The following LRRTM4 variants were observed in gnomAD, a reference collection of about 807,000 sequenced individuals.
LRRTM4 encodes leucine rich repeat transmembrane neuronal 4.
Under a neutral mutation model 47.6 loss-of-function variants are expected in LRRTM4, and 25 were observed. That is an observed-to-expected ratio of 0.53 (90% CI 0.38 to 0.73). LRRTM4 has a LOEUF of 0.73. Among genes scored for constraint, LRRTM4 ranks in the 30% least tolerant of loss-of-function variants. The pLI is 0.00. For missense variants in LRRTM4, 638 were observed against 713.4 expected (o/e 0.89, Z 1.20); for synonymous variants, 311 against 269.5 (o/e 1.15, Z -1.51).
chr2:77,462,236 G>A lies in LRRTM4; in HGVS notation c.1551+56082C>T, dbSNP rs188858061. Reference sequence around the variant, plus strand: ...ATGATGTGAGCTCTGAAGTATTCACGATTTCATTTCCAGTATGTGGTGAAA... The same window carrying A: ...ATGATGTGAGCTCTGAAGTATTCACAATTTCATTTCCAGTATGTGGTGAAA... On this transcript the variant is annotated intron_variant, in intron 3 of 3. Coordinates refer to ENST00000409884, the MANE Select transcript of LRRTM4 (RefSeq NM_001134745.3). 1.2e-4 allele frequency among the ~76,000 whole-genome samples: 19 copies of A among 152,140 alleles called. No homozygotes were observed. The South Asian group carries it at 1.5e-3, about 12-fold the overall frequency.
intron 3 of LRRTM4, among the ~76,000 whole-genome samples, chr2:77,335,318 T>C (rs1230739801): frequency 6.6e-6 from 1 of 152,178 alleles, no homozygotes; most frequent in African/African-American, 2.4e-5. Flanking sequence ...TTTTATGACC[T>C]CTATTTCACC....
chr2:77,234,778 G>T (rs1386759239), intron 3 of LRRTM4, among the ~76,000 whole-genome samples: 1 of 151,972 alleles, frequency 6.6e-6, no homozygotes, highest in African/African-American at 2.4e-5. Flanking sequence ...ATTTAGATTC[G>T]GGGGTATAAG....
chr2:77,426,620 G>A (rs888553014), intron 3 of LRRTM4, among the ~76,000 whole-genome samples: 13 of 152,134 alleles, frequency 8.5e-5, no homozygotes, highest in African/African-American at 2.9e-4. Context: ...CTGTTCTTGT[G>A]AGAGTGAGTG....
intron 3 of LRRTM4, among the ~76,000 whole-genome samples, chr2:76,795,939 CGCAGGTCAGTGGGT>C (rs576264966): frequency 3.3e-5 from 5 of 151,378 alleles, no homozygotes; most frequent in East Asian, 4.0e-4. Flanking sequence ...AGACAGTGGG[CGCAGGTCAGTGGGT>C]GCGCGCACCA....
chr2:77,442,317 G>C (rs939581377), intron 3 of LRRTM4, among the ~76,000 whole-genome samples: 1 of 152,030 alleles, frequency 6.6e-6, no homozygotes, highest in Non-Finnish European at 1.5e-5. Flanking sequence ...ATTTTCTTTG[G>C]CAGTCTTTTT....
chr2:76,918,027 GC>G (rs1358294712), intron 3 of LRRTM4, among the ~76,000 whole-genome samples: 5 of 152,116 alleles, frequency 3.3e-5, no homozygotes, highest in African/African-American at 1.2e-4. Flanking sequence ...CCCTACTGGG[GC>G]AGGGAAAAGG....
At chr2:77,200,148 T>C (rs1673935212) in intron 3 of LRRTM4, among the ~76,000 whole-genome samples, 1 of 152,054 alleles carries the variant, frequency 6.6e-6, no homozygotes, top group Non-Finnish European at 1.5e-5. Flanking sequence ...CCCTATTTCT[T>C]TTATTAGGCA....
At chr2:76,920,887 T>C (rs1674411248) in intron 3 of LRRTM4, among the ~76,000 whole-genome samples, 1 of 151,876 alleles carries the variant, frequency 6.6e-6, no homozygotes, top group South Asian at 2.1e-4. Flanking sequence ...TTCTTCAATT[T>C]AAACACACTT....
intron 3 of LRRTM4, among the ~76,000 whole-genome samples, chr2:77,041,371 T>C (rs945356309): frequency 5.9e-5 from 9 of 151,632 alleles, no homozygotes; most frequent in African/African-American, 1.7e-4. Flanking sequence ...AGTGTTGCAA[T>C]AGACATGGGA....
intron 3 of LRRTM4, among the ~76,000 whole-genome samples, chr2:77,197,082 T>G (rs1178981661): frequency 6.6e-6 from 1 of 152,162 alleles, no homozygotes; most frequent in Non-Finnish European, 1.5e-5. Context: ...TATTTTAAAT[T>G]ACAACATCTT....
intron 3 of LRRTM4, among the ~76,000 whole-genome samples, chr2:77,206,703 C>T (rs191099314): frequency 1.1e-4 from 16 of 151,958 alleles, no homozygotes; most frequent in African/African-American, 2.9e-4. Flanking sequence ...AGGCTGGTCT[C>T]GAAATTCTGG....
chr2:76,863,834 C>T (rs1672389841), intron 3 of LRRTM4, among the ~76,000 whole-genome samples: 1 of 152,128 alleles, frequency 6.6e-6, no homozygotes, highest in African/African-American at 2.4e-5. Flanking sequence ...GTAATCATAT[C>T]TCATATCATT....
At chr2:76,788,571 A>T (rs1354671116) in intron 3 of LRRTM4, among the ~76,000 whole-genome samples, 1 of 152,208 alleles carries the variant, frequency 6.6e-6, no homozygotes, top group Admixed American at 6.5e-5. Context: ...AAGAGAGATA[A>T]TTTCAGAATA....
chr2:76,876,360 T>C (rs191846657), intron 3 of LRRTM4, among the ~76,000 whole-genome samples: 2 of 152,272 alleles, frequency 1.3e-5, no homozygotes, highest in African/African-American at 4.8e-5. Context: ...GCATGAAGAT[T>C]AGAAAATTGT....
chr2:77,090,965 C>A (rs1038485540), intron 3 of LRRTM4, among the ~76,000 whole-genome samples: 2 of 152,116 alleles, frequency 1.3e-5, no homozygotes, highest in Non-Finnish European at 2.9e-5. Flanking sequence ...ACCCGCTCCA[C>A]ATTACCTTCT....
intron 3 of LRRTM4, among the ~76,000 whole-genome samples, chr2:77,361,317 T>C (rs1362793395): frequency 6.6e-6 from 1 of 152,050 alleles, no homozygotes; most frequent in East Asian, 1.9e-4. Context: ...TGTGCATTAT[T>C]CCATTCTTCC....
At chr2:77,083,804 T>TG (rs1680613717) in intron 3 of LRRTM4, among the ~76,000 whole-genome samples, 6 of 102,646 alleles carry the variant, frequency 5.8e-5, no homozygotes, top group Admixed American at 1.0e-4. Flanking sequence ...TTTTTTTTTT[T>TG]TTTTTTTTTT....
chr2:76,816,819 G>GTTTTTTTTTTTTTTTTTTTTTTTTTTTT (rs201525166), intron 3 of LRRTM4, among the ~76,000 whole-genome samples: 2 of 96,566 alleles, frequency 2.1e-5, no homozygotes, highest in Non-Finnish European at 5.0e-5. Context: ...GAGGTAAAGA[G>GTTTTTTTTTTTTTTTTTTTTTTTTTTTT]TTTTTTTTTT....
chr2:77,116,422 C>T (rs1238449374), intron 3 of LRRTM4, among the ~76,000 whole-genome samples: 1 of 151,892 alleles, frequency 6.6e-6, no homozygotes, highest in Non-Finnish European at 1.5e-5. Flanking sequence ...ATAAAGAACC[C>T]AATGATTTAT....
Sources: allele counts gnomAD v4.1 joint callset (sites outside exome capture counted in the v4.1 genomes callset), GRCh38; gene constraint gnomAD v4.1.1; transcripts MANE v1.5; gene names NCBI Gene and HGNC (gene_info 2026-07-23, HGNC 2026-07-21).